The following GALNT13 variants were observed in gnomAD, a reference collection of about 807,000 sequenced individuals.
GALNT13 encodes the protein UDP-GalNAc:polypeptide N-acetylgalactosaminyltransferase 13.
GALNT13 carries 28 observed loss-of-function variants against 64.2 expected under a neutral mutation model. That is an observed-to-expected ratio of 0.44 (90% CI 0.32 to 0.60). The LOEUF is 0.60. Among genes scored for constraint, GALNT13 ranks in the 20% least tolerant of loss-of-function variants. The pLI is 0.05. For missense variants in GALNT13, 577 were observed against 669.8 expected, an observed-to-expected ratio of 0.86 and a Z score of 1.53; for synonymous variants, 214 against 224.6, an observed-to-expected ratio of 0.95 and a Z score of 0.42.
At chr2:153,635,464 A>C in the GALNT13 span, among the ~76,000 whole-genome samples, 1 of 149,568 alleles carries the variant, frequency 6.7e-6, no homozygotes, top group Non-Finnish European at 1.5e-5. Flanking sequence ...GTATATGTGT[A>C]TACGTTTGTT....
the GALNT13 span, among the ~76,000 whole-genome samples, chr2:153,350,163 C>T: frequency 2.6e-5 from 4 of 151,948 alleles, no homozygotes; most frequent in East Asian, 1.9e-4. Flanking sequence ...ATTATTACCA[C>T]GCATTTCTTT....
chr2:153,924,076 G>T (rs1006593424), intron 2 of GALNT13, among the ~76,000 whole-genome samples: 3 of 151,964 alleles, frequency 2.0e-5, no homozygotes, highest in East Asian at 1.9e-4. Context: ...TTAAATTCAG[G>T]GGTACATGTG....
At chr2:153,215,460 C>T in the GALNT13 span, among the ~76,000 whole-genome samples, 8 of 151,994 alleles carry the variant, frequency 5.3e-5, no homozygotes, top group Admixed American at 1.3e-4. Context: ...AACATAAAAT[C>T]GAAGGTGAGA....
intron 3 of GALNT13, among the ~76,000 whole-genome samples, chr2:154,127,746 G>A (rs1457243773): frequency 6.7e-6 from 1 of 149,136 alleles, no homozygotes; most frequent in Non-Finnish European, 1.5e-5. Flanking sequence ...GTGTATATGT[G>A]CATATATGTA....
At chr2:154,234,628 AAATC>A (rs1689094750) in intron 4 of GALNT13, among the ~76,000 whole-genome samples, 1 of 152,166 alleles carries the variant, frequency 6.6e-6, no homozygotes, top group African/African-American at 2.4e-5. Flanking sequence ...GTTATAGAAA[AAATC>A]AATTGAAGAT....
At chr2:153,236,505 A>G in the GALNT13 span, among the ~76,000 whole-genome samples, 4 of 152,082 alleles carry the variant, frequency 2.6e-5, no homozygotes, top group Non-Finnish European at 5.9e-5. Flanking sequence ...ACACTCATTT[A>G]CCATTCCCCA....
At chr2:153,137,104 A>C in the GALNT13 span, among the ~76,000 whole-genome samples, 1 of 152,140 alleles carries the variant, frequency 6.6e-6, no homozygotes, top group Non-Finnish European at 1.5e-5. Flanking sequence ...ATTCCCAGTC[A>C]TACAAGCAAA....
At chr2:154,285,666 C>A (rs1163008170) in intron 8 of GALNT13, among the ~76,000 whole-genome samples, 1 of 152,032 alleles carries the variant, frequency 6.6e-6, no homozygotes, top group Non-Finnish European at 1.5e-5. Context: ...TCAAGCTTTG[C>A]TCTTTTTGTT....
chr2:153,134,995 A>G, the GALNT13 span, among the ~76,000 whole-genome samples: 3 of 152,164 alleles, frequency 2.0e-5, no homozygotes, highest in African/African-American at 4.8e-5. Flanking sequence ...TTTCCATTGC[A>G]TTAGTCAACC....
the GALNT13 span, among the ~76,000 whole-genome samples, chr2:153,212,946 T>G: frequency 6.6e-6 from 1 of 152,236 alleles, no homozygotes; most frequent in East Asian, 1.9e-4. Context: ...AACAAATTAT[T>G]CATTAGTGAA....
intron 9 of GALNT13, among the ~76,000 whole-genome samples, chr2:154,306,543 G>A (rs1269449177): frequency 2.0e-5 from 3 of 149,144 alleles, no homozygotes; most frequent in Non-Finnish European, 4.5e-5. Flanking sequence ...GGCTGTACAG[G>A]AGATCAGAGT....
At chr2:153,151,271 C>T in the GALNT13 span, among the ~76,000 whole-genome samples, 4,946 of 152,088 alleles carry the variant, frequency 0.033, 129 homozygotes, top group Non-Finnish European at 0.044. Flanking sequence ...CAAATCAAAA[C>T]CACAATGAGA....
At chr2:153,644,954 T>TA in the GALNT13 span, among the ~76,000 whole-genome samples, 1 of 152,178 alleles carries the variant, frequency 6.6e-6, no homozygotes, top group African/African-American at 2.4e-5. Flanking sequence ...TCTCTGTACT[T>TA]ACGGTCTTGT....
At chr2:153,221,131 C>T in the GALNT13 span, among the ~76,000 whole-genome samples, 1 of 152,132 alleles carries the variant, frequency 6.6e-6, no homozygotes, top group African/African-American at 2.4e-5. Flanking sequence ...TGCACACGTA[C>T]CCCTGAACTT....
chr2:154,370,962 A>T (rs1433979436), intron 9 of GALNT13, among the ~76,000 whole-genome samples: 1 of 152,114 alleles, frequency 6.6e-6, no homozygotes, highest in Admixed American at 6.6e-5. Flanking sequence ...AAAGATGGCT[A>T]TAAAGTTAGA....
the GALNT13 span, among the ~76,000 whole-genome samples, chr2:153,443,436 T>C: frequency 6.6e-6 from 1 of 152,180 alleles, no homozygotes; most frequent in Admixed American, 6.5e-5. Context: ...AATGCAGAAA[T>C]CACTCACCTT....
chr2:153,148,356 T>A, the GALNT13 span, among the ~76,000 whole-genome samples: 1 of 151,876 alleles, frequency 6.6e-6, no homozygotes, highest in South Asian at 2.1e-4. Flanking sequence ...GTTTCCTAGT[T>A]AGGCAGCAGC....
chr2:153,257,151 G>T, the GALNT13 span, among the ~76,000 whole-genome samples: 1 of 152,328 alleles, frequency 6.6e-6, no homozygotes, highest in Non-Finnish European at 1.5e-5. Context: ...ATATAATCTT[G>T]TGGTGCGCCG....
At chr2:153,379,783 A>T in the GALNT13 span, among the ~76,000 whole-genome samples, 2 of 152,178 alleles carry the variant, frequency 1.3e-5, no homozygotes, top group African/African-American at 4.8e-5. Flanking sequence ...TCATTCAGTA[A>T]TCATTTCCTG....
Sources: allele counts gnomAD v4.1 joint callset (sites outside exome capture counted in the v4.1 genomes callset), GRCh38; gene constraint gnomAD v4.1.1; transcripts MANE v1.5; gene names NCBI Gene and HGNC (gene_info 2026-07-23, HGNC 2026-07-21).